Variants in HNRNPH1 observed in about 807,000 individuals in gnomAD.
HNRNPH1 encodes the protein heterogeneous nuclear ribonucleoprotein H1.
In HNRNPH1, 4 loss-of-function variants were observed where a neutral mutation model predicts 58.6. The observed-to-expected ratio is 0.07, with a 90% CI of 0.03 to 0.16. HNRNPH1 has a LOEUF of 0.16. Among genes scored for constraint, HNRNPH1 ranks in the 10% least tolerant of loss-of-function variants. HNRNPH1 has a pLI of 1.00. For synonymous variants in HNRNPH1, 192 were observed against 189.2 expected, an observed-to-expected ratio of 1.01 and a Z score of -0.12; for missense variants, 271 against 564.2, an observed-to-expected ratio of 0.48 and a Z score of 5.26.
intron 3 of HNRNPH1, 134 bp downstream of exon 4, chr5:179,620,758 A>C (rs1384168904): frequency 8.4e-6 from 6 of 717,984 alleles, no homozygotes; most frequent in Non-Finnish European, 1.4e-5. Flanking sequence ...GAAGGTCTCT[A>C]GGAAGAAAAC....
chr5:179,623,879 G>A (rs1366173937), exon 1 of HNRNPH1: 1 of 152,282 alleles, frequency 6.6e-6, no homozygotes, highest in Non-Finnish European at 1.5e-5. Context: ...GCTTTTTGTT[G>A]CGCCTGCGCC....
chr5:179,632,292 A>C (rs1407768678), intron 2 of HNRNPH1, among the ~76,000 whole-genome samples: 2 of 147,920 alleles, frequency 1.4e-5, no homozygotes, highest in Non-Finnish European at 3.0e-5. Context: ...TGAGTGACAG[A>C]GCGAGACTCC....
chr5:179,627,352 C>T (rs1254308517), upstream of HNRNPH1, among the ~76,000 whole-genome samples: 2 of 151,850 alleles, frequency 1.3e-5, no homozygotes, highest in African/African-American at 2.4e-5. Context: ...CAACCAGGCC[C>T]GACTAATTTT....
intron 4 of HNRNPH1, 26 bp from the exon 6 acceptor site, chr5:179,618,349 G>T: frequency 6.5e-7 from 1 of 1,530,710 alleles, no homozygotes; most frequent in Non-Finnish European, 8.9e-7. Flanking sequence ...TAAGGAAGGG[G>T]TAGGGAGGGG....
At chr5:179,621,066 T>G (rs375727277) in intron 2 of HNRNPH1, 31 bp from the exon 4 acceptor site, 2 of 1,608,198 alleles carry the variant, frequency 1.2e-6, no homozygotes, top group Non-Finnish European at 1.7e-6. Context: ...TAGTCACTTT[T>G]GGAAAATTAG....
exon 11 of HNRNPH1, chr5:179,616,197 C>A: frequency 6.2e-7 from 1 of 1,613,988 alleles, no homozygotes; most frequent in South Asian, 1.1e-5. Context: ...GCTGGCTGGG[C>A]CCCCGTAGCT....
At chr5:179,618,150 C>T (rs1136132) in exon 5 of HNRNPH1, 1 of 1,613,816 alleles carries the variant, frequency 6.2e-7, no homozygotes, top group Admixed American at 1.7e-5. Flanking sequence ...CGTACCTCCA[C>T]CATAAGCACC....
At chr5:179,615,822 G>A (rs976645330) in intron 11 of HNRNPH1, 4 of 522,646 alleles carry the variant, frequency 7.7e-6, no homozygotes, top group African/African-American at 3.9e-5. Flanking sequence ...AATACATGGA[G>A]GCAGATATTT....
chr5:179,616,058 A>ACT lies in HNRNPH1; in HGVS notation c.1300+66_1300+67dup, dbSNP rs1165058307. On this transcript the variant is annotated intron_variant, in intron 11 of 12. Coordinates refer to ENST00000356731, the Ensembl canonical transcript of HNRNPH1. Reference sequence around the variant, plus strand: ...ACAGTAACAGGCTTTACCATAACTTACTCTAAGTACAGTAATGAACAGGCT... The same window carrying ACT: ...ACAGTAACAGGCTTTACCATAACTTACTCTCTAAGTACAGTAATGAACAGGCT... 1.0e-5 allele frequency: 14 copies of ACT among 1,334,660 alleles called. No individual in the cohort carries two copies. In the African/African-American group the frequency reaches 1.2e-4, roughly 11 times the overall value. 82.7% of individuals were successfully genotyped at this position (1,334,660 alleles called of 1,614,324 possible).
intron 3 of HNRNPH1, 150 bp downstream of exon 4, chr5:179,620,742 T>C (rs1311616268): frequency 2.0e-5 from 13 of 654,066 alleles, no homozygotes; most frequent in African/African-American, 1.3e-4. Flanking sequence ...TGGGCTTAAA[T>C]TATTTGAAGG....
chr5:179,630,427 T>C (rs973206779), intron 2 of HNRNPH1, among the ~76,000 whole-genome samples: 11 of 152,122 alleles, frequency 7.2e-5, no homozygotes, highest in Admixed American at 7.2e-4. Context: ...AAGTGTCCCT[T>C]TGAGTGGTAA....
chr5:179,621,521 G>C, intron 1 of HNRNPH1, 124 bp from the exon 3 acceptor site: 1 of 736,024 alleles, frequency 1.4e-6, no homozygotes, highest in South Asian at 1.9e-5. Flanking sequence ...TATATATACT[G>C]ACCACGATAT....
intron 1 of HNRNPH1, 52 bp from the exon 3 acceptor site, chr5:179,621,449 G>A: frequency 6.7e-7 from 1 of 1,486,894 alleles, no homozygotes; most frequent in African/African-American, 1.4e-5. Flanking sequence ...AACCACCTCT[G>A]GGTGACACAG....
chr5:179,627,342 C>G (rs544156011), upstream of HNRNPH1, among the ~76,000 whole-genome samples: 1 of 152,066 alleles, frequency 6.6e-6, no homozygotes, highest in East Asian at 1.9e-4. Context: ...AAGGCACTTT[C>G]AACCAGGCCC....
At chr5:179,631,172 GT>G (rs200316655) in intron 2 of HNRNPH1, among the ~76,000 whole-genome samples, 13,154 of 152,054 alleles carry the variant, frequency 0.087, 642 homozygotes, top group Middle Eastern at 0.12. Flanking sequence ...TAACATAATG[GT>G]TTGTTGCCTT....
rs1301993534 is a variant in HNRNPH1, at chr5:179,620,553, A to C, written c.397+339T>G. ...AATTTACAACAACCTAATTCATCGC[A>C]CTGATGATCTGCTGGTAAAGGGATC... On this transcript the variant is annotated intron_variant, in intron 3 of 12. Coordinates refer to ENST00000356731, the Ensembl canonical transcript of HNRNPH1. 4 of 197,576 alleles carry C rather than the reference A, an allele frequency of 2.0e-5. No individual in the cohort carries two copies. The East Asian group carries it at 5.6e-4, about 28-fold the overall frequency. 12.2% of individuals were successfully genotyped at this position (197,576 alleles called of 1,614,324 possible).
In HNRNPH1 at chr5:179,615,600, A is replaced by G; in HGVS notation, c.1301-5T>C. On this transcript the variant is annotated splice_region_variant and splice_polypyrimidine_tract_variant and intron_variant, in intron 11 of 12. Coordinates refer to ENST00000356731, the Ensembl canonical transcript of HNRNPH1. ...AGTTTTCCTGTAAAACTTGGTCTGC[A>G]AAAGGATTTTGTAGGGTAAGACTAT... 6.5e-7 allele frequency: 1 copy of G among 1,536,380 alleles called. No homozygotes were observed. Among genetic ancestry groups the G allele is most frequent in the Non-Finnish European group, 9.0e-7 (1 of 1,112,734 alleles).
upstream of HNRNPH1, among the ~76,000 whole-genome samples, chr5:179,628,422 C>T (rs955232111): frequency 1.7e-4 from 26 of 152,178 alleles, no homozygotes; most frequent in African/African-American, 5.8e-4. Context: ...GGCATGATCT[C>T]GGCTTACTGC....
intron 3 of HNRNPH1, 114 bp from the exon 5 acceptor site, chr5:179,619,521 G>T: frequency 1.2e-6 from 1 of 849,194 alleles, no homozygotes; most frequent in Admixed American, 2.5e-5. Flanking sequence ...TAGGTGAATG[G>T]TATGCTTTCA....
Sources: gnomAD v4.1 joint callset for allele counts (sites outside exome capture counted in the v4.1 genomes callset) on GRCh38, gnomAD v4.1.1 for gene constraint, MANE v1.5 for transcripts, NCBI Gene and HGNC (gene_info 2026-07-23, HGNC 2026-07-21) for gene names.